Variants in SHTN1 observed in about 807,000 individuals in gnomAD.
The protein encoded by SHTN1 is shootin-1.
Under a neutral mutation model 83.1 loss-of-function variants are expected in SHTN1, and 42 were observed. The observed-to-expected ratio is 0.51, with a 90% CI of 0.39 to 0.65. The LOEUF is 0.65. Ranked by LOEUF, SHTN1 falls within the 30% of genes least tolerant of loss-of-function variation. The probability of loss-of-function intolerance (pLI) is 0.00; values close to 1 mark genes in which losing one functional copy is unlikely to be tolerated. For missense variants in SHTN1, 622 were observed against 737.8 expected (o/e 0.84, Z 1.82); for synonymous variants, 224 against 247.7 (o/e 0.90, Z 0.90).
Position 116,901,502 on chromosome 10 carries a change from C to A in SHTN1, c.1673+263G>T, listed in dbSNP as rs904781968. On this transcript the variant is annotated intron_variant, in intron 16 of 16. Coordinates refer to ENST00000355371, the MANE Select transcript of SHTN1 (RefSeq NM_001127211.3). ...GACGCAGAGTCTGTATCATCCAGATCAATTATTTGTGTAGAAGAACCTGAT... is the reference window on the plus strand; with the variant it reads ...GACGCAGAGTCTGTATCATCCAGATAAATTATTTGTGTAGAAGAACCTGAT... 3.5e-5 allele frequency: 34 copies of A among 985,030 alleles called. No individual in the cohort carries two copies. In the African/African-American group the frequency reaches 5.8e-4, roughly 17 times the overall value. 61.0% of individuals were successfully genotyped at this position (985,030 alleles called of 1,614,324 possible). A position where few individuals can be genotyped will look rare whatever the true frequency, so the allele number is the denominator to read the frequency against.
chr10:117,116,778 T>C (rs1375963341), intron 1 of SHTN1, among the ~76,000 whole-genome samples: 2 of 152,194 alleles, frequency 1.3e-5, no homozygotes, highest in Admixed American at 6.5e-5. Context: ...ATAAATGTGA[T>C]ACATCACATT....
At chr10:116,986,864 G>A (rs1276051864) in intron 1 of SHTN1, among the ~76,000 whole-genome samples, 1 of 151,590 alleles carries the variant, frequency 6.6e-6, no homozygotes, top group Non-Finnish European at 1.5e-5. Context: ...GAGTAACTGG[G>A]ATTACAGGCG....
chr10:116,937,721 T>C (rs1441566450), intron 9 of SHTN1, among the ~76,000 whole-genome samples: 1 of 152,134 alleles, frequency 6.6e-6, no homozygotes, highest in Non-Finnish European at 1.5e-5. Flanking sequence ...CTTGCTGGGT[T>C]GGGGAAGTTC....
rs1853436560 is a variant in SHTN1 at position 117,091,999 on chromosome 10, C to T, written c.-189+34308G>A. On this transcript the variant is annotated intron_variant, in intron 1 of 17. Coordinates refer to the SHTN1 transcript ENST00000392901. ...ACAGTGTCTCATTTAGCCTTAAAAA[C>T]AACCCTGGGAGATTGGTATTCTCAA... Among the ~76,000 whole-genome samples the T allele has an allele frequency of 1.3e-5, 2 of 152,172 alleles. 1 individual carries two copies. The highest frequency in any genetic ancestry group is 4.1e-4 in the South Asian group (2 of 4,836).
chr10:116,890,106 T>C (rs1331809178), intron 16 of SHTN1, among the ~76,000 whole-genome samples: 3 of 152,138 alleles, frequency 2.0e-5, no homozygotes, highest in Non-Finnish European at 4.4e-5. Flanking sequence ...AAGGTAGAAA[T>C]CCCAGAAGCT....
intron 2 of SHTN1, among the ~76,000 whole-genome samples, chr10:117,017,786 A>G (rs956131775): frequency 1.3e-5 from 2 of 152,180 alleles, no homozygotes; most frequent in South Asian, 2.1e-4. Flanking sequence ...ATCCTAGCAG[A>G]CGGCAGTTTA....
At chr10:116,907,940 T>C in intron 14 of SHTN1, 1 of 516,504 alleles carries the variant, frequency 1.9e-6, no homozygotes, top group South Asian at 1.4e-5. Flanking sequence ...CTAATAATTC[T>C]ACTGGCTAAA....
chr10:116,957,985 G>A (rs548509960), intron 4 of SHTN1, among the ~76,000 whole-genome samples: 2 of 152,164 alleles, frequency 1.3e-5, no homozygotes, highest in East Asian at 1.9e-4. Context: ...GCTTGAATCT[G>A]GGAGGTGGAG....
At chr10:116,946,300 C>A (rs1042079054) in intron 7 of SHTN1, among the ~76,000 whole-genome samples, 9 of 147,522 alleles carry the variant, frequency 6.1e-5, no homozygotes, top group African/African-American at 2.0e-4. Flanking sequence ...TAGTGCTTAT[C>A]TCTGGATTGT....
chr10:116,962,455 C>A (rs1283709266), intron 3 of SHTN1, among the ~76,000 whole-genome samples: 1 of 152,016 alleles, frequency 6.6e-6, no homozygotes, highest in Non-Finnish European at 1.5e-5. Flanking sequence ...GAATTTTTAG[C>A]CTTAACTACT....
intron 2 of SHTN1, among the ~76,000 whole-genome samples, chr10:117,017,020 G>A (rs1170302777): frequency 6.6e-6 from 1 of 152,146 alleles, no homozygotes; most frequent in Admixed American, 6.5e-5. Context: ...AAAGAATCAG[G>A]GCTCTTTTGA....
rs532013080 is a variant in SHTN1, at chr10:116,970,117, C to T, written c.112-1405G>A. On this transcript the variant is annotated intron_variant, in intron 2 of 16. Transcript: ENST00000355371. ...AGATAAAAACAATGAGATAGTCTCA[C>T]CTATCGGACTGGCAAAAACTGAAAA... Among the ~76,000 whole-genome samples, 112 of 152,222 alleles carry T rather than the reference C, an allele frequency of 7.4e-4. 2 individuals are homozygous for T. The South Asian group carries it at 0.022, about 30-fold the overall frequency.
chr10:117,060,421 A>G (rs1200989478), intron 1 of SHTN1, among the ~76,000 whole-genome samples: 2 of 152,196 alleles, frequency 1.3e-5, no homozygotes, highest in Admixed American at 6.5e-5. Context: ...ATAATTTTTA[A>G]GAATGGTGTA....
intron 2 of SHTN1, among the ~76,000 whole-genome samples, chr10:117,031,557 A>G (rs1388044212): frequency 6.6e-6 from 1 of 152,238 alleles, no homozygotes; most frequent in African/African-American, 2.4e-5. Context: ...TTTAAGACAT[A>G]GTACAATAAC....
intron 2 of SHTN1, among the ~76,000 whole-genome samples, chr10:117,015,152 G>A (rs965188773): frequency 6.6e-6 from 1 of 152,028 alleles, no homozygotes; most frequent in African/African-American, 2.4e-5. Context: ...TTTCATCTAA[G>A]TTAGAATTTC....
In SHTN1 at chr10:116,962,170, C is replaced by G. The variant is rs57983429; in HGVS notation, c.173-1940G>C. Among the ~76,000 whole-genome samples, 208 of 151,674 alleles carry G rather than the reference C, an allele frequency of 1.4e-3. No homozygotes were observed. In the East Asian group the frequency reaches 0.019, roughly 14 times the overall value. On this transcript the variant is annotated intron_variant, in intron 3 of 16. Coordinates refer to ENST00000355371, the MANE Select transcript of SHTN1 (RefSeq NM_001127211.3). The stretch of plus-strand genomic sequence containing the variant: ...AGCTGCTTGGCATACAAACGGGTCC[C>G]CATTAAACTGGAATCACACACAATA...
rs181619720 is a variant in SHTN1 at position 117,022,528 on chromosome 10, A to G, written c.-123+25917T>C. 8.5e-4 allele frequency among the ~76,000 whole-genome samples: 128 copies of G among 150,188 alleles called. 1 individual carries two copies. In the East Asian group the frequency reaches 0.022, roughly 26 times the overall value. On this transcript the variant is annotated intron_variant, in intron 2 of 17. Coordinates refer to the SHTN1 transcript ENST00000392901. ...CGTTTGAGGATTGCAATATGCCATGAAAAAAAAAATACACACAACTAAACA... is the reference window on the plus strand; with the variant it reads ...CGTTTGAGGATTGCAATATGCCATGGAAAAAAAAATACACACAACTAAACA...
At chr10:116,941,638 C>T (rs542280305) in intron 8 of SHTN1, among the ~76,000 whole-genome samples, 7 of 152,274 alleles carry the variant, frequency 4.6e-5, no homozygotes, top group African/African-American at 1.7e-4. Context: ...TGCTAAAGCC[C>T]TCATATTAGT....
At position 116,884,394 on chromosome 10, in the gene SHTN1, A is replaced by T; in HGVS notation, c.*1950T>A. 2.6e-6 allele frequency: 1 copy of T among 391,688 alleles called. No homozygotes were observed. Among genetic ancestry groups the T allele is most frequent in the Middle Eastern group, 3.6e-4 (1 of 2,774 alleles). 24.3% of individuals were successfully genotyped at this position (391,688 alleles called of 1,614,324 possible). A position where few individuals can be genotyped will look rare whatever the true frequency, so the allele number is the denominator to read the frequency against. On this transcript the variant is annotated 3_prime_UTR_variant, in exon 17 of 17. Transcript: ENST00000355371. ...TTAATTTAAAATGCTTTGTAATCAC[A>T]GTGAGAGAAAGTAAGCAGCTTAAAA... is the stretch of plus-strand genomic sequence containing the variant.
Sources: allele counts gnomAD v4.1 joint callset (sites outside exome capture counted in the v4.1 genomes callset), GRCh38; gene constraint gnomAD v4.1.1; transcripts MANE v1.5; gene names NCBI Gene and HGNC (gene_info 2026-07-23, HGNC 2026-07-21).